The following SHROOM2 variants were observed in gnomAD, a reference collection of about 807,000 sequenced individuals.
SHROOM2 encodes the protein protein Shroom2.
SHROOM2 carries 33 observed loss-of-function variants against 75.9 expected under a neutral mutation model. The ratio of observed to expected loss-of-function variants is 0.43; its 90% CI spans 0.33 to 0.58. The LOEUF is 0.58. Among genes scored for constraint, SHROOM2 ranks in the 20% least tolerant of loss-of-function variants. SHROOM2 has a pLI of 0.04. For missense variants in SHROOM2, 1,434 were observed against 1,461.2 expected, an observed-to-expected ratio of 0.98 and a Z score of 0.30; for synonymous variants, 655 against 663.6, an observed-to-expected ratio of 0.99 and a Z score of 0.20.
intron 1 of SHROOM2, among the ~76,000 whole-genome samples, chrX:9,844,921 C>T (rs1465768237): frequency 1.8e-5 from 2 of 111,803 alleles, no homozygotes; most frequent in Non-Finnish European, 3.8e-5. Context: ...CTCTCAACTC[C>T]CACTCTTGCT....
In SHROOM2 at chrX:9,786,481, C is replaced by T; in HGVS notation, c.-65C>T. On this transcript the variant is annotated 5_prime_UTR_variant, in exon 1 of 10. Transcript: ENST00000380913. ...TCTGCGGCGCTCGGAGCCTCCCTTG[C>T]GATCCCACGGCCGGGACTGCCCGGA... 1.3e-6 allele frequency: 1 copy of T among 799,742 alleles called. No individual in the cohort carries two copies. The highest frequency in any genetic ancestry group is 1.5e-6 in the Non-Finnish European group (1 of 654,144). 65.9% of individuals were successfully genotyped at this position (799,742 alleles called of 1,213,427 possible).
At chrX:9,811,407 C>G (rs917440072) in intron 1 of SHROOM2, among the ~76,000 whole-genome samples, 1 of 112,007 alleles carries the variant, frequency 8.9e-6, no homozygotes, top group South Asian at 3.7e-4. Context: ...GTCATCCTAT[C>G]CAGTTGATTA....
chrX:9,819,917 C>T (rs2083843970), intron 1 of SHROOM2, among the ~76,000 whole-genome samples: 1 of 108,731 alleles, frequency 9.2e-6, no homozygotes, highest in Admixed American at 9.8e-5. Context: ...CCTCAGCCTC[C>T]TGAGTAGCTG....
At chrX:9,901,085 G>A (rs1486181371) in intron 5 of SHROOM2, among the ~76,000 whole-genome samples, 2 of 111,084 alleles carry the variant, frequency 1.8e-5, no homozygotes, top group Non-Finnish European at 3.8e-5. Flanking sequence ...TGTGAGCAGG[G>A]CTGGTTCCTC....
intron 2 of SHROOM2, among the ~76,000 whole-genome samples, chrX:9,885,004 GTT>G (rs1443401233): frequency 9.0e-6 from 1 of 111,646 alleles, no homozygotes; most frequent in Non-Finnish European, 1.9e-5. Context: ...GAGCCCAGGA[GTT>G]CAAGACCAGC....
At position 9,860,641 on chromosome X, in the gene SHROOM2, C is replaced by T. The variant is rs184782755; in HGVS notation, c.166-13011C>T. On this transcript the variant is annotated intron_variant, in intron 1 of 9. Coordinates refer to ENST00000380913, the MANE Select transcript of SHROOM2 (RefSeq NM_001649.4). ...GTTTCACCATGTTGCCCAAGCTGGTCTTGAACTCCTGACCTCAAGTGATCC... is the reference window on the plus strand; with the variant it reads ...GTTTCACCATGTTGCCCAAGCTGGTTTTGAACTCCTGACCTCAAGTGATCC... Among the ~76,000 whole-genome samples the T allele has an allele frequency of 1.1e-4, 12 of 111,745 alleles. No homozygotes were observed. In the East Asian group the frequency reaches 3.4e-3, roughly 31 times the overall value.
intron 2 of SHROOM2, among the ~76,000 whole-genome samples, chrX:9,890,248 T>C (rs916341403): frequency 3.6e-5 from 4 of 112,118 alleles, no homozygotes; most frequent in Non-Finnish European, 7.5e-5. Flanking sequence ...GCGCCTGTAA[T>C]CCCAGCTACT....
Position 9,932,159 on chromosome X carries a change from C to T in SHROOM2, c.2892-16C>T, listed in dbSNP as rs781349596. 44 of 1,117,022 alleles carry T rather than the reference C, an allele frequency of 3.9e-5. No individual in the cohort carries two copies. Among genetic ancestry groups the T allele is most frequent in the Non-Finnish European group, 5.1e-5 (43 of 847,084 alleles). The allele number at this position is 1,117,022 out of a possible 1,213,427, so 92.1% of individuals were successfully genotyped here. On this transcript the variant is annotated splice_polypyrimidine_tract_variant and intron_variant, in intron 5 of 9. Transcript: ENST00000380913. ...TATTGGAATCGTTGATTAATTTGTA[C>T]TTGTTCTTCCTCTAGACAAGCAGAT...
intron 1 of SHROOM2, among the ~76,000 whole-genome samples, chrX:9,802,532 G>A (rs948647325): frequency 9.0e-6 from 1 of 111,254 alleles, no homozygotes; most frequent in Non-Finnish European, 1.9e-5. Context: ...GGCCCTAACT[G>A]TCCATCCCCA....
In SHROOM2 at chrX:9,882,486, C is replaced by T. The variant is rs144873606; in HGVS notation, c.318-8491C>T. Among the ~76,000 whole-genome samples the T allele has an allele frequency of 2.6e-3, 287 of 111,199 alleles. 1 individual carries two copies. The highest frequency in any genetic ancestry group is 9.2e-3 in the African/African-American group (283 of 30,712). ...ACAAGTGGTTTGGATACTGGGACAGCGATCGTCTTTTTTTTTCCTTTTCTT... is the reference window on the plus strand; with the variant it reads ...ACAAGTGGTTTGGATACTGGGACAGTGATCGTCTTTTTTTTTCCTTTTCTT... On this transcript the variant is annotated intron_variant, in intron 2 of 9. Transcript: ENST00000380913.
intron 5 of SHROOM2, among the ~76,000 whole-genome samples, chrX:9,909,942 G>A (rs957154223): frequency 3.2e-4 from 36 of 111,617 alleles, no homozygotes; most frequent in Middle Eastern, 4.6e-3. Context: ...TCTCTGCTGC[G>A]TCCTCACATG....
chrX:9,888,375 C>T (rs1238609761), intron 2 of SHROOM2, among the ~76,000 whole-genome samples: 3 of 112,366 alleles, frequency 2.7e-5, no homozygotes, highest in African/African-American at 9.7e-5. Flanking sequence ...ACGGCCTTAT[C>T]CACGTGGCTC....
intron 1 of SHROOM2, among the ~76,000 whole-genome samples, chrX:9,836,526 C>T (rs1178565369): frequency 9.3e-6 from 1 of 107,884 alleles, no homozygotes; most frequent in African/African-American, 3.4e-5. Flanking sequence ...CCCTCCTTCT[C>T]CCTTCTCTCT....
chrX:9,846,387 C>T (rs1057461715), intron 1 of SHROOM2, among the ~76,000 whole-genome samples: 1 of 111,938 alleles, frequency 8.9e-6, no homozygotes, highest in African/African-American at 3.2e-5. Flanking sequence ...CTCCGCCTCC[C>T]GGGTTCAAGT....
At chrX:9,815,470 GTGTGTGTGTGTA>G (rs1257934396) in intron 1 of SHROOM2, among the ~76,000 whole-genome samples, 17 of 98,520 alleles carry the variant, frequency 1.7e-4, no homozygotes, top group African/African-American at 4.1e-4. Context: ...GTGTGTGTGT[GTGTGTGTGTGTA>G]TATAATATCT....
chrX:9,911,973 C>T (rs748694419), intron 5 of SHROOM2, among the ~76,000 whole-genome samples: 1 of 109,749 alleles, frequency 9.1e-6, no homozygotes, highest in East Asian at 2.9e-4. Flanking sequence ...GGCACAGTGG[C>T]TCACACCTAT....
At chrX:9,838,170 T>C (rs989374099) in intron 1 of SHROOM2, among the ~76,000 whole-genome samples, 4 of 106,678 alleles carry the variant, frequency 3.7e-5, no homozygotes, top group African/African-American at 6.9e-5. Context: ...ACGCCATTCT[T>C]CTGCCTCAGC....
At chrX:9,857,467 T>C (rs773799276) in intron 1 of SHROOM2, among the ~76,000 whole-genome samples, 2 of 109,434 alleles carry the variant, frequency 1.8e-5, no homozygotes, top group South Asian at 8.2e-4. Context: ...GCTCACTACA[T>C]CCTCAAACTC....
Position 9,947,213 on chromosome X carries a change from G to A in SHROOM2, c.*276G>A. On this transcript the variant is annotated 3_prime_UTR_variant, in exon 10 of 10. Coordinates refer to ENST00000380913, the MANE Select transcript of SHROOM2 (RefSeq NM_001649.4). ...TGTGAGTTTCCACTGCATGGGCTGTGGGCTGGGCCTGTGGTGCCTGCCGAG... is the reference window on the plus strand; with the variant it reads ...TGTGAGTTTCCACTGCATGGGCTGTAGGCTGGGCCTGTGGTGCCTGCCGAG... 2.8e-6 allele frequency: 1 copy of A among 352,017 alleles called. No individual in the cohort carries two copies. The highest frequency in any genetic ancestry group is 4.9e-6 in the Non-Finnish European group (1 of 205,118). 29.0% of individuals were successfully genotyped at this position (352,017 alleles called of 1,213,427 possible). A position where few individuals can be genotyped will look rare whatever the true frequency, so the allele number is the denominator to read the frequency against.
Sources: gnomAD v4.1 joint callset for allele counts (sites outside exome capture counted in the v4.1 genomes callset) on GRCh38, gnomAD v4.1.1 for gene constraint, MANE v1.5 for transcripts, NCBI Gene and HGNC (gene_info 2026-07-23, HGNC 2026-07-21) for gene names.